Variants in DLG2 observed in about 807,000 individuals in gnomAD.
DLG2 encodes the protein disks large homolog 2.
A neutral mutation model predicts 132.5 loss-of-function variants in DLG2; 45 were observed. That is an observed-to-expected ratio of 0.34 (90% confidence interval 0.27 to 0.44). DLG2 has a LOEUF of 0.44. Among genes scored for constraint, DLG2 ranks in the 20% least tolerant of loss-of-function variants. The probability of loss-of-function intolerance (pLI) is 1.00; values close to 1 mark genes in which losing one functional copy is unlikely to be tolerated. For missense variants in DLG2, 1,045 were observed against 1,196.9 expected, an observed-to-expected ratio of 0.87 and a Z score of 1.87; for synonymous variants, 424 against 419.6, an observed-to-expected ratio of 1.01 and a Z score of -0.13.
At chr11:85,126,363 A>G (rs2075113575) in intron 5 of DLG2, among the ~76,000 whole-genome samples, 1 of 152,280 alleles carries the variant, frequency 6.6e-6, no homozygotes, top group Non-Finnish European at 1.5e-5. Context: ...GCTGAGAGTG[A>G]TGTTGTTGGG....
At chr11:84,771,869 C>A (rs529686560) in intron 6 of DLG2, among the ~76,000 whole-genome samples, 1 of 152,040 alleles carries the variant, frequency 6.6e-6, no homozygotes, top group Non-Finnish European at 1.5e-5. Context: ...AAAAAAAAGA[C>A]CCATCAGGAT....
intron 6 of DLG2, among the ~76,000 whole-genome samples, chr11:84,590,824 T>C (rs1287812367): frequency 6.6e-6 from 1 of 152,178 alleles, no homozygotes; most frequent in East Asian, 1.9e-4. Flanking sequence ...ATTGATATAC[T>C]GATTAACCAA....
At chr11:84,287,294 AT>A (rs1322305069) in intron 7 of DLG2, among the ~76,000 whole-genome samples, 4 of 152,102 alleles carry the variant, frequency 2.6e-5, no homozygotes, top group Non-Finnish European at 5.9e-5. Context: ...ATCACATTTG[AT>A]TCTTACAACA....
intron 3 of DLG2, among the ~76,000 whole-genome samples, chr11:85,525,458 A>G (rs2074671922): frequency 6.6e-6 from 1 of 152,208 alleles, no homozygotes; most frequent in South Asian, 2.1e-4. Context: ...AGAAAAATAA[A>G]GAATGTAAAG....
chr11:85,257,548 A>T (rs2076731068), intron 4 of DLG2, among the ~76,000 whole-genome samples: 1 of 152,204 alleles, frequency 6.6e-6, no homozygotes, highest in Admixed American at 6.5e-5. Flanking sequence ...CAAAGTGATT[A>T]GAATTTTTAA....
intron 17 of DLG2, among the ~76,000 whole-genome samples, chr11:83,793,690 G>A (rs914581473): frequency 3.3e-5 from 5 of 152,108 alleles, no homozygotes; most frequent in Non-Finnish European, 7.4e-5. Context: ...TTGAACCTTA[G>A]CTTCCTTTTC....
At chr11:83,672,912 A>G (rs1287072138) in intron 18 of DLG2, among the ~76,000 whole-genome samples, 3 of 152,122 alleles carry the variant, frequency 2.0e-5, no homozygotes, top group South Asian at 2.1e-4. Context: ...ATGCAAAAAA[A>G]TTAGCTGGAT....
intron 6 of DLG2, among the ~76,000 whole-genome samples, chr11:84,663,686 T>C (rs2099697070): frequency 6.6e-6 from 1 of 152,144 alleles, no homozygotes. Flanking sequence ...AAAAAATAAA[T>C]GGGTTTGGAT....
chr11:84,936,688 C>T (rs2048789016), intron 6 of DLG2: 1 of 151,946 alleles, frequency 6.6e-6, no homozygotes, highest in Admixed American at 6.6e-5. Flanking sequence ...TTTTCTGTTT[C>T]AGGACTTTCC....
chr11:85,527,960 T>C (rs752472357), intron 3 of DLG2, among the ~76,000 whole-genome samples: 3 of 152,250 alleles, frequency 2.0e-5, no homozygotes, highest in Non-Finnish European at 4.4e-5. Context: ...ATGATGAGCT[T>C]TTTTGCATAT....
At chr11:83,921,000 T>A (rs767861305) in intron 15 of DLG2, among the ~76,000 whole-genome samples, 1 of 152,124 alleles carries the variant, frequency 6.6e-6, no homozygotes, top group Non-Finnish European at 1.5e-5. Context: ...TACTATAATA[T>A]TCAGTCAATA....
At chr11:84,572,336 A>C (rs1030471832) in intron 6 of DLG2, among the ~76,000 whole-genome samples, 2 of 152,130 alleles carry the variant, frequency 1.3e-5, no homozygotes, top group African/African-American at 4.8e-5. Flanking sequence ...TGCTTTGGCC[A>C]ATGGAATGCA....
At chr11:83,635,981 T>C (rs2064736724) in intron 18 of DLG2, among the ~76,000 whole-genome samples, 1 of 152,144 alleles carries the variant, frequency 6.6e-6, no homozygotes, top group African/African-American at 2.4e-5. Context: ...GATCAAGAAC[T>C]CTTAACTTTT....
intron 7 of DLG2, among the ~76,000 whole-genome samples, chr11:84,345,685 T>C (rs2098536435): frequency 6.6e-6 from 1 of 152,188 alleles, no homozygotes. Flanking sequence ...TCTGGTACTT[T>C]GTAATGACAG....
intron 6 of DLG2, among the ~76,000 whole-genome samples, chr11:84,854,793 G>T (rs1410946049): frequency 2.0e-5 from 3 of 151,908 alleles, no homozygotes; most frequent in Admixed American, 6.6e-5. Context: ...CCCATGAATT[G>T]TGGACTGCTC....
intron 4 of DLG2, among the ~76,000 whole-genome samples, chr11:85,207,210 G>C (rs866095162): frequency 6.6e-6 from 1 of 152,092 alleles, no homozygotes; most frequent in Admixed American, 6.6e-5. Context: ...AGGGAAAACA[G>C]AGTTTACCTT....
chr11:84,117,017 T>C (rs1319038042), intron 9 of DLG2, among the ~76,000 whole-genome samples: 1 of 152,198 alleles, frequency 6.6e-6, no homozygotes, highest in Non-Finnish European at 1.5e-5. Context: ...AAATATATGG[T>C]CCTGATAAGC....
intron 8 of DLG2, among the ~76,000 whole-genome samples, chr11:84,178,617 A>G (rs1016261547): frequency 2.0e-5 from 3 of 152,146 alleles, no homozygotes; most frequent in African/African-American, 7.2e-5. Context: ...TTGGTGAAGG[A>G]TGGAAGGCTT....
chr11:84,178,259 C>A (rs894237656), intron 8 of DLG2, among the ~76,000 whole-genome samples: 5 of 152,042 alleles, frequency 3.3e-5, no homozygotes, highest in African/African-American at 1.2e-4. Context: ...TCAGGGAAAG[C>A]AAAAATGGAA....
Sources: gnomAD v4.1 joint callset for allele counts (sites outside exome capture counted in the v4.1 genomes callset) on GRCh38, gnomAD v4.1.1 for gene constraint, MANE v1.5 for transcripts, NCBI Gene and HGNC (gene_info 2026-07-23, HGNC 2026-07-21) for gene names.